Variants in PTTG1 observed in about 807,000 individuals in gnomAD.
PTTG1 encodes securin.
PTTG1 carries 8 observed loss-of-function variants against 20.0 expected under a neutral mutation model. That is an observed-to-expected ratio of 0.40 (90% CI 0.23 to 0.72). The LOEUF is 0.72. PTTG1 is among the 30% of genes least tolerant of loss of function. PTTG1 has a pLI of 0.38. For missense variants in PTTG1, 197 were observed against 236.0 expected (o/e 0.83, Z 1.08); for synonymous variants, 79 against 87.2 (o/e 0.91, Z 0.52).
At chr5:160,428,581 T>A in intron 5 of PTTG1, 21 bp from the exon 6 acceptor site, 1 of 1,607,370 alleles carries the variant, frequency 6.2e-7, no homozygotes, top group African/African-American at 1.3e-5. Flanking sequence ...GAAATTTTAA[T>A]AAGAGATTCC....
intron 4 of PTTG1, among the ~76,000 whole-genome samples, chr5:160,425,633 T>A (rs1275555492): frequency 2.6e-5 from 4 of 152,240 alleles, no homozygotes; most frequent in Admixed American, 2.6e-4. Context: ...AGTTTTTCTT[T>A]TTTTATTAAC....
rs1332300842 is a variant in PTTG1, at chr5:160,422,638, A to T, written c.92-71A>T. The T allele has an allele frequency of 1.9e-6, 3 of 1,563,386 alleles. No homozygotes were observed. The African/African-American group carries it at 4.1e-5, about 21-fold the overall frequency. Reference sequence around the variant, plus strand: ...GGTTTGGGGGTGAGAGGTCAAGTTTATATACACAGTATTTAAGTTGTACAG... The same window carrying T: ...GGTTTGGGGGTGAGAGGTCAAGTTTTTATACACAGTATTTAAGTTGTACAG... On this transcript the variant is annotated intron_variant, in intron 2 of 5. Coordinates refer to ENST00000352433, the MANE Select transcript of PTTG1 (RefSeq NM_004219.4).
At chr5:160,426,060 A>AT (rs1010034981) in intron 4 of PTTG1, among the ~76,000 whole-genome samples, 8 of 151,108 alleles carry the variant, frequency 5.3e-5, no homozygotes, top group Admixed American at 2.0e-4. Context: ...ATGGTTCTCC[A>AT]TTTTTTTTTG....
At chr5:160,424,416 A>G in intron 4 of PTTG1, 86 bp downstream of exon 4, 1 of 951,944 alleles carries the variant, frequency 1.1e-6, no homozygotes, top group South Asian at 1.6e-5. Flanking sequence ...TGAATATAAT[A>G]TATGACCAAA....
At chr5:160,427,260 C>A (rs1430725425) in intron 4 of PTTG1, among the ~76,000 whole-genome samples, 1 of 152,152 alleles carries the variant, frequency 6.6e-6, no homozygotes, top group Non-Finnish European at 1.5e-5. Flanking sequence ...CTAGTTTTAG[C>A]TTGCAACTCA....
In PTTG1 at chr5:160,428,481, C is replaced by G. The variant is rs1326375915; in HGVS notation, c.530-121C>G. ...CCAAAAAATGTGTCAGGAGGGGATG[C>G]AGGTGATTGATTTGACAAAGGGAAA... On this transcript the variant is annotated intron_variant, in intron 5 of 5. Transcript: ENST00000352433. 5 of 831,804 alleles carry G rather than the reference C, an allele frequency of 6.0e-6. No homozygotes were observed. In the African/African-American group the frequency reaches 8.5e-5, roughly 14 times the overall value. The allele number at this position is 831,804 out of a possible 1,614,324, so 51.5% of individuals were successfully genotyped here.
intron 1 of PTTG1, 179 bp downstream of exon 1, chr5:160,422,070 G>T: frequency 2.4e-6 from 1 of 418,456 alleles, no homozygotes. Context: ...AACGGCAACT[G>T]TCTGATGAGT....
chr5:160,423,133 CCTT>C, intron 3 of PTTG1: 2 of 499,578 alleles, frequency 4.0e-6, no homozygotes, highest in African/African-American at 3.9e-5. Flanking sequence ...CCTCACCTGT[CCTT>C]CACTAGTGTC....
chr5:160,427,565 C>G (rs1403334395), intron 4 of PTTG1, 150 bp from the exon 5 acceptor site: 1 of 897,068 alleles, frequency 1.1e-6, no homozygotes, highest in Non-Finnish European at 1.6e-6. Flanking sequence ...ACCATCATTA[C>G]AAATGTCAAC....
Position 160,428,708 on chromosome 5 carries a change from G to A in PTTG1, c.*27G>A, listed in dbSNP as rs1317723065. The stretch of plus-strand genomic sequence containing the variant: ...TTTCTTAGTGCTTCAGAGTTTGTGT[G>A]TATTTGTATTAATAAAGCATTCTTT... On this transcript the variant is annotated 3_prime_UTR_variant, in exon 6 of 6. Coordinates refer to ENST00000352433, the MANE Select transcript of PTTG1 (RefSeq NM_004219.4). 8.9e-6 allele frequency: 14 copies of A among 1,572,332 alleles called. 1 individual carries two copies. Among genetic ancestry groups the A allele is most frequent in the Non-Finnish European group, 1.1e-5 (12 of 1,142,442 alleles).
chr5:160,425,713 C>A (rs1178853568), intron 4 of PTTG1, among the ~76,000 whole-genome samples: 1 of 152,164 alleles, frequency 6.6e-6, no homozygotes, highest in African/African-American at 2.4e-5. Context: ...ATATTGCAAA[C>A]TTCTTTCCTC....
At position 160,422,003 on chromosome 5, in the gene PTTG1, C is replaced by T. The variant is rs952002856; in HGVS notation, c.-12+112C>T. 152 of 229,872 alleles carry T rather than the reference C, an allele frequency of 6.6e-4. 2 individuals are homozygous for T. Among genetic ancestry groups the T allele is most frequent in the Admixed American group, 2.1e-4 (4 of 19,034 alleles). 14.2% of individuals were successfully genotyped at this position (229,872 alleles called of 1,614,324 possible). On this transcript the variant is annotated intron_variant, in intron 1 of 5. Transcript: ENST00000352433. ...CTGGGGCTGGGGTTGGGGGACTGCC[C>T]GGGGCTTAGATGGCTCCGAGCCCGT...
At chr5:160,427,656 G>A (rs1765833062) in intron 4 of PTTG1, 59 bp from the exon 5 acceptor site, 1 of 1,566,458 alleles carries the variant, frequency 6.4e-7, no homozygotes, top group Non-Finnish European at 8.7e-7. Flanking sequence ...GACCACAAGG[G>A]ATCTACAGCC....
chr5:160,422,663 G>A (rs971776484), intron 2 of PTTG1, 46 bp from the exon 3 acceptor site: 3 of 1,597,830 alleles, frequency 1.9e-6, no homozygotes, highest in Non-Finnish European at 2.6e-6. Flanking sequence ...AAGTTGTACA[G>A]GTATTTTGCT....
At chr5:160,427,565 C>T (rs1403334395) in intron 4 of PTTG1, 150 bp from the exon 5 acceptor site, 2 of 897,068 alleles carry the variant, frequency 2.2e-6, no homozygotes, top group African/African-American at 3.4e-5. Flanking sequence ...ACCATCATTA[C>T]AAATGTCAAC....
intron 3 of PTTG1, among the ~76,000 whole-genome samples, chr5:160,423,798 C>T (rs1765760601): frequency 1.3e-5 from 2 of 152,164 alleles, no homozygotes; most frequent in Non-Finnish European, 2.9e-5. Context: ...TGTCTTGCTG[C>T]CTCTTACTCA....
At chr5:160,421,964 G>A (rs1034589439) in intron 1 of PTTG1, 73 bp downstream of exon 1, 5 of 197,912 alleles carry the variant, frequency 2.5e-5, no homozygotes, top group Middle Eastern at 1.9e-3. Flanking sequence ...CTGCGGCTGC[G>A]GCTGGGGCTG....
intron 3 of PTTG1, 53 bp downstream of exon 3, chr5:160,422,946 TAA>T (rs934867606): frequency 3.9e-6 from 6 of 1,556,386 alleles, no homozygotes; most frequent in Non-Finnish European, 5.3e-6. Flanking sequence ...TTTTGACTCT[TAA>T]AATGACTATT....
intron 4 of PTTG1, among the ~76,000 whole-genome samples, chr5:160,425,081 T>C (rs988743267): frequency 3.9e-5 from 6 of 152,192 alleles, no homozygotes; most frequent in Non-Finnish European, 7.4e-5. Context: ...AGGTGTGGGA[T>C]CAGATCAGGG....
Sources: allele counts gnomAD v4.1 joint callset (sites outside exome capture counted in the v4.1 genomes callset), GRCh38; gene constraint gnomAD v4.1.1; transcripts MANE v1.5; gene names NCBI Gene and HGNC (gene_info 2026-07-23, HGNC 2026-07-21).